Variants in CACNA1H observed in about 807,000 individuals in gnomAD.
CACNA1H encodes voltage-dependent T-type calcium channel subunit alpha-1H.
Under a neutral mutation model 192.5 loss-of-function variants are expected in CACNA1H, and 149 were observed. That is an observed-to-expected ratio of 0.77 (90% CI 0.68 to 0.89). The LOEUF (loss-of-function observed/expected upper bound fraction) is 0.89. CACNA1H is among the 40% of genes least tolerant of loss of function. The probability of loss-of-function intolerance (pLI) is 0.00; values close to 1 mark genes in which losing one functional copy is unlikely to be tolerated. For synonymous variants in CACNA1H, 2,202 were observed against 1,475.2 expected (o/e 1.49, Z -11.29); for missense variants, 4,257 against 3,423.5 (o/e 1.24, Z -6.08).
In CACNA1H at chr16:1,221,098, C is replaced by T. The variant is rs1026033548; in HGVS notation, c.*104C>T. 8.8e-6 allele frequency: 8 copies of T among 904,758 alleles called. No homozygotes were observed. The highest frequency in any genetic ancestry group is 5.3e-5 in the East Asian group (2 of 37,486). 56.0% of individuals were successfully genotyped at this position (904,758 alleles called of 1,614,324 possible). A position where few individuals can be genotyped will look rare whatever the true frequency, so the allele number is the denominator to read the frequency against. ...GCATGGACCCTGACTTGGGTCCCGT[C>T]GTGAGCAGAAAGGCCCGGGGAGGAT... On this transcript the variant is annotated 3_prime_UTR_variant, in exon 35 of 35. Transcript: ENST00000348261.
intron 3 of CACNA1H, 129 bp from the exon 4 acceptor site, chr16:1,195,303 C>G: frequency 8.6e-7 from 1 of 1,160,550 alleles, no homozygotes; most frequent in Non-Finnish European, 1.2e-6. Context: ...GTTCCTGGGG[C>G]TCAGGGCGGG....
intron 24 of CACNA1H, 31 bp downstream of exon 24, chr16:1,211,836 T>G: frequency 1.2e-6 from 2 of 1,610,694 alleles, no homozygotes. Context: ...CTGGGTCACC[T>G]CAGGGTCTCC....
chr16:1,211,511 G>C lies in CACNA1H; in HGVS notation c.4381G>C (p.Gly1461Arg). Residue 1461 changes from glycine to arginine, a missense_variant, in exon 23 of 35, where the codon GGC becomes CGC. Transcript: ENST00000348261. Reference sequence around the variant, plus strand: ...CAAAGGGAAGTTCTACTACTGCGAGGGCCCCGACACCAGGAACATCTCCAC... The same window carrying C: ...CAAAGGGAAGTTCTACTACTGCGAGCGCCCCGACACCAGGAACATCTCCAC... ...LFKGKFYYCEGPDTRNISTKA... is the reference protein window; with the variant it reads ...LFKGKFYYCERPDTRNISTKA... 1 of 1,612,436 alleles carries C rather than the reference G, an allele frequency of 6.2e-7. No individual in the cohort carries two copies. The highest frequency in any genetic ancestry group is 8.5e-7 in the Non-Finnish European group (1 of 1,179,704).
chr16:1,196,715 C>T (rs1446985178), intron 5 of CACNA1H, among the ~76,000 whole-genome samples: 2 of 152,100 alleles, frequency 1.3e-5, no homozygotes, highest in African/African-American at 4.8e-5. Context: ...CTGCTGTGCG[C>T]TGGGTGTGAG....
chr16:1,154,060 G>C (rs1241125817), intron 2 of CACNA1H, 24 bp downstream of exon 2: 2 of 934,556 alleles, frequency 2.1e-6, no homozygotes, highest in Non-Finnish European at 2.7e-6. Flanking sequence ...CCGGCGGGGG[G>C]CGGGGGGCGG....
Position 1,210,901 on chromosome 16 carries a change from T to G in CACNA1H, c.4153T>G (p.Ser1385Ala). The change falls in exon 21 of 35, where the codon TCG becomes GCG. Residue 1385 changes from serine (S) to alanine (A), a missense_variant. Coordinates refer to ENST00000348261, the MANE Select transcript of CACNA1H (RefSeq NM_021098.3). ...SLVDIVVAMASAGGAKILGVL... is the reference protein window; with the variant it reads ...SLVDIVVAMAAAGGAKILGVL... ...GGTGGACATTGTCGTGGCCATGGCCTCGGCTGGTGGCGCCAAGATCCTGGG... is the reference window on the plus strand; with the variant it reads ...GGTGGACATTGTCGTGGCCATGGCCGCGGCTGGTGGCGCCAAGATCCTGGG... The G allele has an allele frequency of 6.2e-7, 1 of 1,604,476 alleles. No homozygotes were observed. The highest frequency in any genetic ancestry group is 8.5e-7 in the Non-Finnish European group (1 of 1,179,688).
At chr16:1,212,191 C>T (rs1969530109) in intron 25 of CACNA1H, 53 bp downstream of exon 25, 2 of 1,543,992 alleles carry the variant, frequency 1.3e-6, no homozygotes, top group African/African-American at 1.4e-5. Context: ...TGTGTGCCCA[C>T]CGGGCCCTCC....
chr16:1,202,572 T>C, intron 9 of CACNA1H, 120 bp downstream of exon 9: 1 of 894,496 alleles, frequency 1.1e-6, no homozygotes, highest in Non-Finnish European at 1.6e-6. Context: ...CTTTGACTTG[T>C]GAAACAGACC....
rs749349353 is a variant in CACNA1H, at chr16:1,220,456, C to G, written c.6524C>G (p.Ala2175Gly). 3 of 1,543,272 alleles carry G rather than the reference C, an allele frequency of 1.9e-6. No individual in the cohort carries two copies. The highest frequency in any genetic ancestry group is 2.6e-6 in the Non-Finnish European group (3 of 1,153,618). ...PGEAKAWGPE[A>G]EPALGARRKK... is the part of the protein sequence containing the mutation. ...GAGGCGAAGGCCTGGGGCCCTGAGGCCGAGCCCGCTCTGGGTGCGCGCAGA... is the reference window on the plus strand; with the variant it reads ...GAGGCGAAGGCCTGGGGCCCTGAGGGCGAGCCCGCTCTGGGTGCGCGCAGA... Residue 2175 changes from alanine (A) to glycine (G), a missense_variant, in exon 35 of 35, where the codon GCC (alanine) becomes GGC (glycine). Coordinates refer to ENST00000348261, the MANE Select transcript of CACNA1H (RefSeq NM_021098.3).
chr16:1,168,890 G>C (rs904322666), intron 2 of CACNA1H, among the ~76,000 whole-genome samples: 1 of 152,094 alleles, frequency 6.6e-6, no homozygotes, highest in African/African-American at 2.4e-5. Context: ...CGCAGGGGGT[G>C]CCCCGCTCTG....
chr16:1,219,266 G>T (rs1970289655), intron 34 of CACNA1H, 136 bp downstream of exon 34: 1 of 831,146 alleles, frequency 1.2e-6, no homozygotes, highest in East Asian at 2.8e-5. Context: ...GGCTCCGAAG[G>T]TTTCTGCCTG....
chr16:1,192,362 G>A (rs1000296935), intron 2 of CACNA1H, among the ~76,000 whole-genome samples: 15 of 152,354 alleles, frequency 9.8e-5, no homozygotes, highest in African/African-American at 2.9e-4. Context: ...CCCCTCTGCC[G>A]TGGGCAGCTT....
chr16:1,184,779 T>A (rs1359201259), intron 2 of CACNA1H, among the ~76,000 whole-genome samples: 1 of 152,208 alleles, frequency 6.6e-6, no homozygotes, highest in African/African-American at 2.4e-5. Context: ...GCGCCTTCAG[T>A]GGCGACTGCA....
In CACNA1H at chr16:1,153,881, G is replaced by A. The variant is rs1596270799; in HGVS notation, c.144G>A (p.Val48=). 2.1e-6 allele frequency: 3 copies of A among 1,422,810 alleles called. No homozygotes were observed. Among genetic ancestry groups the A allele is most frequent in the East Asian group, 3.1e-5 (1 of 32,000 alleles). The allele number at this position is 1,422,810 out of a possible 1,614,324, so 88.1% of individuals were successfully genotyped here. A position where few individuals can be genotyped will look rare whatever the true frequency, so the allele number is the denominator to read the frequency against. The change falls in exon 2 of 35, where the codon GTG becomes GTA. Residue 48 remains valine, a synonymous_variant. Transcript: ENST00000348261. ...CGGAGCGGGGGTCCGAGCTCGGCGT[G>A]TCACCCTCCGAGAGCCCGGCGGCCG... is the stretch of plus-strand genomic sequence containing the variant. The part of the protein sequence containing the change: ...REAERGSELG[V]SPSESPAAER...
chr16:1,194,722 A>G (rs1353933232), intron 2 of CACNA1H, among the ~76,000 whole-genome samples: 2 of 152,032 alleles, frequency 1.3e-5, no homozygotes, highest in Non-Finnish European at 2.9e-5. Flanking sequence ...TGATGAGCCA[A>G]CGCCGAGGGC....
At chr16:1,173,116 G>A (rs1228609847) in intron 2 of CACNA1H, among the ~76,000 whole-genome samples, 3 of 152,090 alleles carry the variant, frequency 2.0e-5, no homozygotes, top group East Asian at 3.9e-4. Flanking sequence ...TTGGGGTGTC[G>A]AGGTGTGGGG....
At chr16:1,153,504 T>A (rs1567417788) in intron 1 of CACNA1H, 34 bp downstream of exon 1, 2 of 267,184 alleles carry the variant, frequency 7.5e-6, no homozygotes, top group East Asian at 1.3e-4. Context: ...CCCGGGACCC[T>A]CTTCAACTTG....
At position 1,186,778 on chromosome 16, in the gene CACNA1H, C is replaced by T. The variant is rs555669346; in HGVS notation, c.300-8194C>T. Among the ~76,000 whole-genome samples, 354 of 152,320 alleles carry T rather than the reference C, an allele frequency of 2.3e-3. 1 individual carries two copies. The highest frequency in any genetic ancestry group is 4.2e-3 in the Non-Finnish European group (283 of 68,010). On this transcript the variant is annotated intron_variant, in intron 2 of 34. Coordinates refer to ENST00000348261, the MANE Select transcript of CACNA1H (RefSeq NM_021098.3). ...TGCCACGGCAGTGGAGATATTCTGC[C>T]CTTCTAGCTCTTCTGTATACAAGCA... is the stretch of plus-strand genomic sequence containing the variant.
Position 1,207,172 on chromosome 16 carries a change from A to T in CACNA1H, c.2907+54A>T, listed in dbSNP as rs1968832627. 7.8e-6 allele frequency: 12 copies of T among 1,547,876 alleles called. No individual in the cohort carries two copies. The East Asian group carries it at 1.4e-4, about 19-fold the overall frequency. ...TGGGTGCTGAGTGTGGTCCCCAGAG[A>T]GGTGGAGGTGCCGTCCTGCGCATCC... On this transcript the variant is annotated intron_variant, in intron 13 of 34. Coordinates refer to ENST00000348261, the MANE Select transcript of CACNA1H (RefSeq NM_021098.3).
Sources: gnomAD v4.1 joint callset for allele counts (sites outside exome capture counted in the v4.1 genomes callset) on GRCh38, gnomAD v4.1.1 for gene constraint, MANE v1.5 for transcripts, NCBI Gene and HGNC (gene_info 2026-07-23, HGNC 2026-07-21) for gene names.